Variants in UCP1 observed in about 807,000 individuals in gnomAD.
The protein encoded by UCP1 is mitochondrial brown fat uncoupling protein 1.
A neutral mutation model predicts 26.2 loss-of-function variants in UCP1; 24 were observed. That is an observed-to-expected ratio of 0.92 (90% CI 0.66 to 1.29). The LOEUF (loss-of-function observed/expected upper bound fraction) is 1.29, where lower values mean the gene tolerates loss of function less well. UCP1 is among the 50% of genes most tolerant of loss of function. The pLI, the probability that UCP1 is intolerant of heterozygous loss-of-function variation, is 0.00. For missense variants in UCP1, 402 were observed against 388.7 expected, an observed-to-expected ratio of 1.03 and a Z score of -0.29; for synonymous variants, 164 against 156.8, an observed-to-expected ratio of 1.05 and a Z score of -0.34.
rs1249814402 is a variant in UCP1 at position 140,563,357 on chromosome 4, T to A, written c.487A>T (p.Ile163Leu). 6.2e-7 allele frequency: 1 copy of A among 1,614,234 alleles called. No homozygotes were observed. The highest frequency in any genetic ancestry group is 1.7e-5 in the Admixed American group (1 of 60,034). Reference sequence around the variant, plus strand: ...GTCAAGCCTTCGGTTGTTGCTATTATTCTGTACGCATTATAAGTCCCCGTG... The same window carrying A: ...GTCAAGCCTTCGGTTGTTGCTATTAATCTGTACGCATTATAAGTCCCCGTG... ...RYTGTYNAYR[I>L]IATTEGLTGL... Residue 163 changes from isoleucine (I) to leucine (L), a missense_variant, in exon 3 of 6, where the codon ATA (isoleucine) becomes TTA (leucine). Physicochemically the swap from Ile to Leu is conservative, Grantham distance 5 (BLOSUM62 2). Transcript: ENST00000262999.
In UCP1 at chr4:140,562,260, A is replaced by G; in HGVS notation, c.742T>C (p.Tyr248His). ...ATTGCACAGTTGGGCACACTTTTGT[A>G]CTGTCCTGGTGGAGAATTAATAAAT... ...TRFINSPPGQ[Y>H]KSVPNCAMKV... Residue 248 changes from tyrosine to histidine, a missense_variant, in exon 5 of 6, where the codon TAC becomes CAC. Transcript: ENST00000262999. 6.2e-7 allele frequency: 1 copy of G among 1,614,126 alleles called. No individual in the cohort carries two copies. The highest frequency in any genetic ancestry group is 8.5e-7 in the Non-Finnish European group (1 of 1,179,998).
chr4:140,563,450 G>T lies in UCP1; in HGVS notation c.394C>A (p.Gln132Lys). 1 of 1,613,978 alleles carries T rather than the reference G, an allele frequency of 6.2e-7. No homozygotes were observed. The highest frequency in any genetic ancestry group is 8.5e-7 in the Non-Finnish European group (1 of 1,180,008). Residue 132 changes from glutamine to lysine, a missense_variant, in exon 3 of 6, where the codon CAA (glutamine) becomes AAA (lysine). Physicochemically the swap from Gln to Lys is moderately conservative, Grantham distance 53. Coordinates refer to ENST00000262999, the MANE Select transcript of UCP1 (RefSeq NM_021833.5). ...CTGACTTTCACGACCTCTGTGGGTT[G>T]CCCAATGAATACTGCCACTCCTCCA... ...TTGGVAVFIG[Q>K]PTEVVKVRLQ...
At chr4:140,568,499 C>A in intron 1 of UCP1, 105 bp downstream of exon 1, 1 of 1,559,468 alleles carries the variant, frequency 6.4e-7, no homozygotes, top group Non-Finnish European at 8.7e-7. Context: ...GGTCACCTAC[C>A]CTACCTAGAA....
intron 2 of UCP1, among the ~76,000 whole-genome samples, chr4:140,566,705 T>C (rs1251806059): frequency 6.6e-6 from 1 of 152,224 alleles, no homozygotes. Flanking sequence ...ATGTATTCAT[T>C]GTGCCATCAG....
intron 2 of UCP1, among the ~76,000 whole-genome samples, chr4:140,566,608 C>T (rs1735804789): frequency 6.6e-6 from 1 of 152,152 alleles, no homozygotes; most frequent in Non-Finnish European, 1.5e-5. Context: ...TTTGTATAGA[C>T]AACATTTATA....
Position 140,568,698 on chromosome 4 carries a change from G to T in UCP1, c.32C>A (p.Pro11Gln). 1 of 1,603,302 alleles carries T rather than the reference G, an allele frequency of 6.2e-7. No homozygotes were observed. The highest frequency in any genetic ancestry group is 8.5e-7 in the Non-Finnish European group (1 of 1,175,956). The change falls in exon 1 of 6, where the codon CCG becomes CAG. Residue 11 changes from proline to glutamine, a missense_variant. Pro to Gln is a moderately conservative substitution (Grantham distance 76, BLOSUM62 -1). Coordinates refer to ENST00000262999, the MANE Select transcript of UCP1 (RefSeq NM_021833.5). The part of the protein sequence containing the change: MGGLTASDVH[P>Q]TLGVQLFSAG... ...TGAGAAGAGCTGGACCCCCAGGGTCGGGTGTACGTCCGAGGCTGTCAGGCC... is the reference window on the plus strand; with the variant it reads ...TGAGAAGAGCTGGACCCCCAGGGTCTGGTGTACGTCCGAGGCTGTCAGGCC...
At chr4:140,565,004 A>G (rs1022719318) in intron 2 of UCP1, among the ~76,000 whole-genome samples, 1 of 152,180 alleles carries the variant, frequency 6.6e-6, no homozygotes, top group Non-Finnish European at 1.5e-5. Context: ...GTGAGCTTCT[A>G]TTTGTTATGT....
At chr4:140,567,431 T>C (rs1035535856) in intron 2 of UCP1, among the ~76,000 whole-genome samples, 1 of 152,188 alleles carries the variant, frequency 6.6e-6, no homozygotes, top group African/African-American at 2.4e-5. Flanking sequence ...TAGTCCTCGT[T>C]TGGATTTCTG....
At position 140,559,707 on chromosome 4, in the gene UCP1, C is replaced by T; in HGVS notation, c.*189G>A. 1 of 589,836 alleles carries T rather than the reference C, an allele frequency of 1.7e-6. No individual in the cohort carries two copies. The allele number at this position is 589,836 out of a possible 1,614,324, so 36.5% of individuals were successfully genotyped here. Reference sequence around the variant, plus strand: ...ATGTTTTGCTTTCCCCTTCTTAAGACACTGAGAAAAAAAAAAAGTTATATG... The same window carrying T: ...ATGTTTTGCTTTCCCCTTCTTAAGATACTGAGAAAAAAAAAAAGTTATATG... On this transcript the variant is annotated 3_prime_UTR_variant, in exon 6 of 6. Transcript: ENST00000262999.
At chr4:140,560,733 TG>T (rs1560842295) in intron 5 of UCP1, among the ~76,000 whole-genome samples, 1 of 139,154 alleles carries the variant, frequency 7.2e-6, no homozygotes, top group Non-Finnish European at 1.5e-5. Flanking sequence ...CTTCCCAATG[TG>T]GGGTATTTTG....
At chr4:140,563,722 C>G (rs565467296) in intron 2 of UCP1, among the ~76,000 whole-genome samples, 33 of 151,918 alleles carry the variant, frequency 2.2e-4, no homozygotes, top group African/African-American at 7.0e-4. Context: ...ATTCTCCTGC[C>G]TCAGCCTCCC....
chr4:140,568,720 G>A lies in UCP1; in HGVS notation c.10C>T (p.Leu4=), dbSNP rs919491333. Residue 4 remains leucine (L), a synonymous_variant, in exon 1 of 6, where the codon CTG becomes TTG. Coordinates refer to ENST00000262999, the MANE Select transcript of UCP1 (RefSeq NM_021833.5). Reference sequence around the variant, plus strand: ...GTCGGGTGTACGTCCGAGGCTGTCAGGCCCCCCATCTTCACTCAGAGACTG... The same window carrying A: ...GTCGGGTGTACGTCCGAGGCTGTCAAGCCCCCCATCTTCACTCAGAGACTG... MGG[L]TASDVHPTLG... 6.3e-7 allele frequency: 1 copy of A among 1,593,252 alleles called. No homozygotes were observed. Among genetic ancestry groups the A allele is most frequent in the Non-Finnish European group, 8.5e-7 (1 of 1,171,884 alleles).
Position 140,559,613 on chromosome 4 carries a change from A to G in UCP1, c.*283T>C, listed in dbSNP as rs776816353. On this transcript the variant is annotated 3_prime_UTR_variant, in exon 6 of 6. Transcript: ENST00000262999. Reference sequence around the variant, plus strand: ...GTTAAAGTTCTTCACATTCATTCACACAATTGCACTCCAGAAATGGTCAAA... The same window carrying G: ...GTTAAAGTTCTTCACATTCATTCACGCAATTGCACTCCAGAAATGGTCAAA... 2 of 343,308 alleles carry G rather than the reference A, an allele frequency of 5.8e-6. No individual in the cohort carries two copies. The highest frequency in any genetic ancestry group is 1.1e-5 in the Non-Finnish European group (2 of 189,602). The allele number at this position is 343,308 out of a possible 1,614,324, so 21.3% of individuals were successfully genotyped here. A position where few individuals can be genotyped will look rare whatever the true frequency, so the allele number is the denominator to read the frequency against.
At chr4:140,568,019 A>G in intron 1 of UCP1, 42 bp from the exon 2 acceptor site, 1 of 1,607,586 alleles carries the variant, frequency 6.2e-7, no homozygotes, top group Non-Finnish European at 8.5e-7. Flanking sequence ...AGCGAAATTG[A>G]GTTCACTCTT....
At chr4:140,564,853 C>CT (rs34057575) in intron 2 of UCP1, among the ~76,000 whole-genome samples, 30,751 of 151,150 alleles carry the variant, frequency 0.2, 3,211 homozygotes, top group Admixed American at 0.27. Context: ...GGAAAAGAGG[C>CT]TTTTTTTTTA....
Position 140,567,942 on chromosome 4 carries a change from C to A in UCP1, c.162G>T (p.Arg54Ser), listed in dbSNP as rs1346403074. The A allele has an allele frequency of 6.2e-7, 1 of 1,614,062 alleles. No homozygotes were observed. The highest frequency in any genetic ancestry group is 2.2e-5 in the East Asian group (1 of 44,900). ...TGATTGTTCCCAGGACACCTTTATACCTAATAACACTGGACGTCGGGCATT... is the reference window on the plus strand; with the variant it reads ...TGATTGTTCCCAGGACACCTTTATAACTAATAACACTGGACGTCGGGCATT... ...QGECPTSSVI[R>S]YKGVLGTITA... Residue 54 changes from arginine (R) to serine (S), a missense_variant, in exon 2 of 6, where the codon AGG (arginine) becomes AGT (serine). Transcript: ENST00000262999.
rs1188830021 is a variant in UCP1, at chr4:140,568,774, C to G, written c.-45G>C. The G allele has an allele frequency of 1.9e-6, 3 of 1,549,302 alleles. No homozygotes were observed. The highest frequency in any genetic ancestry group is 1.7e-6 in the Non-Finnish European group (2 of 1,152,002). ...ATGCAGAGGAAAAGGGCTCCAGCCC[C>G]GAAGGTGGAGGAAGTTCCTTTCCCT... On this transcript the variant is annotated 5_prime_UTR_variant, in exon 1 of 6. Transcript: ENST00000262999.
At position 140,559,903 on chromosome 4, in the gene UCP1, G is replaced by A; in HGVS notation, c.917C>T (p.Ala306Val). The change falls in exon 6 of 6, where the codon GCC (alanine) becomes GTC (valine). Residue 306 changes from alanine to valine, a missense_variant. Ala to Val is a moderately conservative substitution (Grantham distance 64). Coordinates refer to ENST00000262999, the MANE Select transcript of UCP1 (RefSeq NM_021833.5). ...TCATTTTCTTGAAGCTGATTATGTG[G>A]CACAGTCCATAGTCTGCCTTGACTT... ...LSKSRQTMDCAT is the reference protein window; with the variant it reads ...LSKSRQTMDCVT 6.2e-7 allele frequency: 1 copy of A among 1,612,556 alleles called. No individual in the cohort carries two copies. Among genetic ancestry groups the A allele is most frequent in the Non-Finnish European group, 8.5e-7 (1 of 1,178,778 alleles).
chr4:140,568,156 T>TGTGTGTGTGTGTGTGTGTG (rs1735846776), intron 1 of UCP1, among the ~76,000 whole-genome samples, 179 bp from the exon 2 acceptor site: 1 of 122,742 alleles, frequency 8.1e-6, no homozygotes, highest in African/African-American at 2.9e-5. Context: ...TGTGTGTGTG[T>TGTGTGTGTGTGTGTGTGTG]TCGCTCACGC....
Sources: gnomAD v4.1 joint callset for allele counts (sites outside exome capture counted in the v4.1 genomes callset) on GRCh38, gnomAD v4.1.1 for gene constraint, MANE v1.5 for transcripts, NCBI Gene and HGNC (gene_info 2026-07-23, HGNC 2026-07-21) for gene names.